Variants in EXPH5 observed in about 807,000 individuals in gnomAD.
EXPH5 encodes the protein exophilin-5.
Under a neutral mutation model 41.1 loss-of-function variants are expected in EXPH5, and 42 were observed. That is an observed-to-expected ratio of 1.02 (90% CI 0.80 to 1.32). The LOEUF is 1.32. Among genes scored for constraint, EXPH5 ranks in the 40% most tolerant of loss-of-function variants. EXPH5 has a pLI of 0.00. For synonymous variants in EXPH5, 798 were observed against 833.5 expected, an observed-to-expected ratio of 0.96 and a Z score of 0.73; for missense variants, 2,298 against 2,314.5, an observed-to-expected ratio of 0.99 and a Z score of 0.15.
chr11:108,550,459 A>G (rs781097715), intron 1 of EXPH5, among the ~76,000 whole-genome samples: 2 of 152,164 alleles, frequency 1.3e-5, no homozygotes, highest in Non-Finnish European at 2.9e-5. Context: ...GTAAGCTAAT[A>G]AACAGAAGTA....
At chr11:108,518,444 C>T (rs2093742156) in intron 4 of EXPH5, 71 bp from the exon 5 acceptor site, 1 of 1,382,080 alleles carries the variant, frequency 7.2e-7, no homozygotes, top group Non-Finnish European at 1.0e-6. Flanking sequence ...ACGCTCCCAC[C>T]AAACTGTCCC....
At chr11:108,552,931 C>T (rs1044792744) in intron 1 of EXPH5, among the ~76,000 whole-genome samples, 14 of 151,980 alleles carry the variant, frequency 9.2e-5, no homozygotes, top group Non-Finnish European at 1.5e-4. Flanking sequence ...TGCGGTGGCT[C>T]ATGCCTGTAA....
intron 1 of EXPH5, among the ~76,000 whole-genome samples, chr11:108,586,415 A>G (rs1267301329): frequency 6.8e-6 from 1 of 146,050 alleles, no homozygotes; most frequent in Non-Finnish European, 1.5e-5. Flanking sequence ...AGGATAAGTT[A>G]CTCCCTCCCT....
In EXPH5 at chr11:108,509,928, C is replaced by T; in HGVS notation, c.5579G>A (p.Gly1860Glu). The T allele has an allele frequency of 6.2e-7, 1 of 1,609,952 alleles. No individual in the cohort carries two copies. The highest frequency in any genetic ancestry group is 1.1e-5 in the South Asian group (1 of 90,150). ...RSFSELPSCD[G>E]NESWAYRSGT... ...GCTGCGATAAGCCCAACTTTCATTT[C>T]CATCACAGGAGGGGAGTTCAGAAAA... The change falls in exon 6 of 6, where the codon GGA (glycine) becomes GAA (glutamate). Residue 1860 changes from glycine to glutamate, a missense_variant. Gly to Glu is a moderately conservative substitution (Grantham distance 98). Transcript: ENST00000265843.
intron 1 of EXPH5, among the ~76,000 whole-genome samples, chr11:108,585,961 T>A (rs1216072733): frequency 6.6e-6 from 1 of 152,202 alleles, no homozygotes; most frequent in Non-Finnish European, 1.5e-5. Context: ...TATTTTGAGA[T>A]GAAGTCTTGC....
chr11:108,579,370 A>T (rs1038477099), intron 1 of EXPH5, among the ~76,000 whole-genome samples: 2 of 152,086 alleles, frequency 1.3e-5, no homozygotes, highest in African/African-American at 4.8e-5. Context: ...ATCCCGCCTG[A>T]TTATAATGAA....
At position 108,508,004 on chromosome 11, in the gene EXPH5, CA is replaced by C. The variant is rs754113349; in HGVS notation, c.*1532del. On this transcript the variant is annotated 3_prime_UTR_variant, in exon 6 of 6. Coordinates refer to ENST00000265843, the MANE Select transcript of EXPH5 (RefSeq NM_015065.3). ...GAAACTCCAACTCTACTAAAAATAC[CA>C]AAAAAAAAAAAAAAAAAAAAAAAAT... 1.5e-3 allele frequency: 98 copies of C among 66,730 alleles called. No individual in the cohort carries two copies. The highest frequency in any genetic ancestry group is 5.5e-3 in the East Asian group (13 of 2,374). The allele number at this position is 66,730 out of a possible 1,614,324, so 4.1% of individuals were successfully genotyped here.
chr11:108,526,667 A>G (rs1043030447), intron 4 of EXPH5, among the ~76,000 whole-genome samples: 1 of 152,212 alleles, frequency 6.6e-6, no homozygotes, highest in African/African-American at 2.4e-5. Context: ...ACTGGGGTCC[A>G]TGTGCAAACA....
intron 1 of EXPH5, among the ~76,000 whole-genome samples, chr11:108,571,775 G>T (rs1017906069): frequency 6.6e-6 from 1 of 152,108 alleles, no homozygotes. Context: ...AATAGTCATT[G>T]AACAGGCTGG....
chr11:108,605,384 T>C, the EXPH5 span, among the ~76,000 whole-genome samples: 1 of 152,166 alleles, frequency 6.6e-6, no homozygotes, highest in Non-Finnish European at 1.5e-5. Context: ...TTATAAAAAT[T>C]ATACTGTGTG....
intron 1 of EXPH5, chr11:108,552,023 CTGGGGAAAG>C (rs1235070078): frequency 6.6e-6 from 1 of 152,120 alleles, no homozygotes; most frequent in Non-Finnish European, 1.5e-5. Flanking sequence ...GACTCACCAT[CTGGGGAAAG>C]TGTGGCCTTT....
At chr11:108,591,332 T>A (rs993013454) in intron 1 of EXPH5, among the ~76,000 whole-genome samples, 2 of 152,206 alleles carry the variant, frequency 1.3e-5, no homozygotes, top group African/African-American at 4.8e-5. Context: ...AGGCCCTTTC[T>A]GCATGCCAAT....
At chr11:108,583,129 T>A (rs2094103412) in intron 1 of EXPH5, among the ~76,000 whole-genome samples, 1 of 152,130 alleles carries the variant, frequency 6.6e-6, no homozygotes, top group Non-Finnish European at 1.5e-5. Flanking sequence ...ATGCCTGTAA[T>A]CCCAGCACTT....
chr11:108,546,078 G>C (rs2093936912), intron 1 of EXPH5, among the ~76,000 whole-genome samples: 1 of 151,932 alleles, frequency 6.6e-6, no homozygotes, highest in South Asian at 2.1e-4. Flanking sequence ...CAGGCAGAGG[G>C]GTAGCCTCTG....
At chr11:108,537,665 C>T (rs1270416246) in intron 3 of EXPH5, among the ~76,000 whole-genome samples, 1 of 152,172 alleles carries the variant, frequency 6.6e-6, no homozygotes, top group African/African-American at 2.4e-5. Flanking sequence ...CTTCTTTGAT[C>T]CACCTTTGCA....
At chr11:108,549,987 C>T (rs1305186123) in intron 1 of EXPH5, among the ~76,000 whole-genome samples, 4 of 152,128 alleles carry the variant, frequency 2.6e-5, no homozygotes, top group Admixed American at 1.3e-4. Flanking sequence ...ATTCAAGGTT[C>T]GGGTAGTCAG....
chr11:108,528,292 A>G, intron 3 of EXPH5, 108 bp from the exon 4 acceptor site: 1 of 723,072 alleles, frequency 1.4e-6, no homozygotes, highest in Non-Finnish European at 2.5e-6. Flanking sequence ...GAGAAGATCT[A>G]TTTCTAATTC....
At chr11:108,586,922 G>A (rs957231427) in intron 1 of EXPH5, among the ~76,000 whole-genome samples, 2 of 151,964 alleles carry the variant, frequency 1.3e-5, no homozygotes, top group South Asian at 2.1e-4. Flanking sequence ...AGGAGAGGGC[G>A]ATGAGCCTAT....
chr11:108,597,773 G>A (rs572923670), upstream of EXPH5, among the ~76,000 whole-genome samples: 2 of 152,184 alleles, frequency 1.3e-5, no homozygotes, highest in Non-Finnish European at 2.9e-5. Context: ...TCTTAGAAAA[G>A]AGAAAATTGA....
Sources: allele counts gnomAD v4.1 joint callset (sites outside exome capture counted in the v4.1 genomes callset), GRCh38; gene constraint gnomAD v4.1.1; transcripts MANE v1.5; gene names NCBI Gene and HGNC (gene_info 2026-07-23, HGNC 2026-07-21).